PCDHA2: variants seen among roughly 807,000 people sequenced by gnomAD.
PCDHA2 encodes the protein protocadherin alpha 2, also known as protocadherin alpha-2.
In PCDHA2, 58 loss-of-function variants were observed where a neutral mutation model predicts 66.0. The observed-to-expected ratio is 0.88, with a 90% CI of 0.71 to 1.09. The LOEUF (loss-of-function observed/expected upper bound fraction) is 1.09, where lower values mean the gene tolerates loss of function less well. Among genes scored for constraint, PCDHA2 ranks in the 50% least tolerant of loss-of-function variants. PCDHA2 has a pLI of 0.00. For missense variants in PCDHA2, 1,267 were observed against 1,242.3 expected, an observed-to-expected ratio of 1.02 and a Z score of -0.30; for synonymous variants, 634 against 554.0, an observed-to-expected ratio of 1.14 and a Z score of -2.03.
At chr5:140,904,113 G>C (rs1051705657) in intron 1 of PCDHA2, among the ~76,000 whole-genome samples, 4 of 152,248 alleles carry the variant, frequency 2.6e-5, no homozygotes, top group African/African-American at 9.6e-5. Context: ...TCATTGCTGA[G>C]ATTTTGGTGC....
At chr5:140,882,982 C>A (rs139888237) in intron 1 of PCDHA2, 2 of 1,614,148 alleles carry the variant, frequency 1.2e-6, no homozygotes, top group South Asian at 1.1e-5. Flanking sequence ...TGAATGACAA[C>A]GCCCCGGAAT....
At chr5:140,870,461 C>T (rs1554164294) in intron 1 of PCDHA2, 1 of 1,614,246 alleles carries the variant, frequency 6.2e-7, no homozygotes, top group Non-Finnish European at 8.5e-7. Context: ...AATGCGCCTG[C>T]GTTCGCACAG....
At chr5:140,863,008 T>A (rs782045594) in intron 1 of PCDHA2, 1 of 551,826 alleles carries the variant, frequency 1.8e-6, no homozygotes, top group Non-Finnish European at 3.6e-6. Context: ...ACTCCAGCTA[T>A]GACGCCTGGT....
intron 1 of PCDHA2, among the ~76,000 whole-genome samples, chr5:140,957,050 A>T (rs246010): frequency 0.56 from 85,650 of 151,948 alleles, 24,767 homozygotes; most frequent in African/African-American, 0.69. Context: ...TATAAAATAA[A>T]TTATAAATGT....
chr5:140,902,563 G>C (rs1472097639), intron 1 of PCDHA2, among the ~76,000 whole-genome samples: 2 of 151,808 alleles, frequency 1.3e-5, no homozygotes, highest in African/African-American at 4.8e-5. Context: ...GATTTTTGAG[G>C]GTTTTTAAGA....
intron 1 of PCDHA2, among the ~76,000 whole-genome samples, chr5:140,899,251 G>T (rs1322090098): frequency 2.6e-5 from 4 of 152,082 alleles, no homozygotes; most frequent in African/African-American, 9.7e-5. Flanking sequence ...GTGAGAGAGG[G>T]CATCCCTGTC....
chr5:141,008,515 A>G (rs1430400139), intron 3 of PCDHA2, among the ~76,000 whole-genome samples: 1 of 152,126 alleles, frequency 6.6e-6, no homozygotes, highest in Non-Finnish European at 1.5e-5. Context: ...GTGTCTTCCA[A>G]TCAGACTCTT....
Position 140,843,849 on chromosome 5 carries a change from T to G in PCDHA2, c.2388+46497T>G. 2 of 972,226 alleles carry G rather than the reference T, an allele frequency of 2.1e-6. 1 individual carries two copies. Among genetic ancestry groups the G allele is most frequent in the South Asian group, 3.4e-5 (2 of 58,960 alleles). 60.2% of individuals were successfully genotyped at this position (972,226 alleles called of 1,614,324 possible). ...ACATTGTTTAGTTTTTAGAAACCTTTTATAATTAATTGAATTTTCTCAGTG... is the reference window on the plus strand; with the variant it reads ...ACATTGTTTAGTTTTTAGAAACCTTGTATAATTAATTGAATTTTCTCAGTG... On this transcript the variant is annotated intron_variant, in intron 1 of 3. Transcript: ENST00000526136.
chr5:140,831,489 T>TGGG (rs2150194957), intron 1 of PCDHA2, among the ~76,000 whole-genome samples: 86,355 of 148,546 alleles, frequency 0.58, 25,923 homozygotes, highest in African/African-American at 0.72. Flanking sequence ...CCTCTGGAGT[T>TGGG]ACTACACACG....
At chr5:140,850,545 G>C in intron 1 of PCDHA2, 1 of 1,598,382 alleles carries the variant, frequency 6.3e-7, no homozygotes, top group South Asian at 1.1e-5. Context: ...GCGGGCGTCA[G>C]TGGGTGCCAC....
intron 1 of PCDHA2, among the ~76,000 whole-genome samples, chr5:140,826,351 C>A (rs1284883588): frequency 6.6e-6 from 1 of 151,972 alleles, no homozygotes; most frequent in African/African-American, 2.4e-5. Context: ...CCTTTGTTTG[C>A]CCAAAATAAC....
chr5:140,963,221 T>C (rs2095749324), intron 1 of PCDHA2, among the ~76,000 whole-genome samples: 1 of 151,808 alleles, frequency 6.6e-6, no homozygotes, highest in Admixed American at 6.6e-5. Context: ...GTGTTTAGAG[T>C]AGACACTGTT....
chr5:140,883,696 G>T (rs142212706), intron 1 of PCDHA2: 2 of 1,613,818 alleles, frequency 1.2e-6, no homozygotes, highest in Non-Finnish European at 1.7e-6. Flanking sequence ...ACATCTTCAC[G>T]GTGTCTGCTC....
chr5:141,005,990 A>G (rs1375805001), intron 3 of PCDHA2, among the ~76,000 whole-genome samples: 6 of 151,998 alleles, frequency 3.9e-5, no homozygotes, highest in Admixed American at 3.9e-4. Flanking sequence ...GTGTTTGAGG[A>G]TCTGAAAGAA....
rs782135685 is a variant in PCDHA2 at position 140,802,807 on chromosome 5, C to G, written c.2388+5455C>G. On this transcript the variant is annotated intron_variant, in intron 1 of 3. Transcript: ENST00000526136. ...GAGCTGCTGCAGTTCCAGGTGAGTGCGCGCGATGCGGGCGTGCCGCCTCTG... is the reference window on the plus strand; with the variant it reads ...GAGCTGCTGCAGTTCCAGGTGAGTGGGCGCGATGCGGGCGTGCCGCCTCTG... 4.3e-6 allele frequency: 7 copies of G among 1,613,440 alleles called. No individual in the cohort carries two copies. The highest frequency in any genetic ancestry group is 5.9e-6 in the Non-Finnish European group (7 of 1,179,896).
At chr5:140,809,397 C>T in intron 1 of PCDHA2, 8 of 1,614,128 alleles carry the variant, frequency 5.0e-6, no homozygotes, top group South Asian at 1.1e-5. Flanking sequence ...CCGGGCAAGC[C>T]CACGCTGGTG....
intron 2 of PCDHA2, among the ~76,000 whole-genome samples, chr5:140,981,645 A>G (rs2096941816): frequency 6.6e-6 from 1 of 152,126 alleles, no homozygotes; most frequent in Admixed American, 6.6e-5. Context: ...TTCTCTTAGG[A>G]TCCCACTTAT....
chr5:140,966,767 A>G, intron 1 of PCDHA2: 1 of 1,484,362 alleles, frequency 6.7e-7, no homozygotes, highest in Non-Finnish European at 8.9e-7. Context: ...GCCAGTGGCT[A>G]TGGAGCAGGC....
At chr5:140,930,616 G>T (rs2086997332) in intron 1 of PCDHA2, among the ~76,000 whole-genome samples, 2 of 152,154 alleles carry the variant, frequency 1.3e-5, no homozygotes, top group African/African-American at 4.8e-5. Context: ...TGCAAGAGAA[G>T]GAGGTGTGTA....
Sources: gnomAD v4.1 joint callset for allele counts (sites outside exome capture counted in the v4.1 genomes callset) on GRCh38, gnomAD v4.1.1 for gene constraint, MANE v1.5 for transcripts, NCBI Gene and HGNC (gene_info 2026-07-23, HGNC 2026-07-21) for gene names.